The following AGBL4 variants were observed in gnomAD, a reference collection of about 807,000 sequenced individuals.
AGBL4 encodes the protein cytosolic carboxypeptidase 6.
In AGBL4, 58 loss-of-function variants were observed where a neutral mutation model predicts 66.4. That is an observed-to-expected ratio of 0.87 (90% CI 0.71 to 1.09). The LOEUF (loss-of-function observed/expected upper bound fraction) is 1.09. Ranked by LOEUF, AGBL4 falls within the 50% of genes least tolerant of loss-of-function variation. The probability of loss-of-function intolerance (pLI) is 0.00; values close to 1 mark genes in which losing one functional copy is unlikely to be tolerated. For synonymous variants in AGBL4, 234 were observed against 222.9 expected, an observed-to-expected ratio of 1.05 and a Z score of -0.44; for missense variants, 579 against 631.0, an observed-to-expected ratio of 0.92 and a Z score of 0.88.
chr1:49,166,393 C>T (rs911883329), intron 4 of AGBL4, among the ~76,000 whole-genome samples: 41 of 152,090 alleles, frequency 2.7e-4, no homozygotes, highest in Non-Finnish European at 2.9e-5. Context: ...GGTACTCAGG[C>T]AAATCATGCA....
chr1:48,563,707 CAGA>C (rs772779806), intron 11 of AGBL4, among the ~76,000 whole-genome samples: 2 of 152,112 alleles, frequency 1.3e-5, no homozygotes, highest in African/African-American at 4.8e-5. Flanking sequence ...TTAAAACATA[CAGA>C]AGGACAGGAC....
At chr1:48,605,217 T>A (rs1022932997) in intron 9 of AGBL4, among the ~76,000 whole-genome samples, 5 of 152,212 alleles carry the variant, frequency 3.3e-5, no homozygotes, top group Non-Finnish European at 7.3e-5. Context: ...TTTGGGTTTG[T>A]CATGGGGAGC....
chr1:48,694,928 T>C (rs1017219966), intron 6 of AGBL4, among the ~76,000 whole-genome samples: 6 of 152,210 alleles, frequency 3.9e-5, no homozygotes, highest in Non-Finnish European at 8.8e-5. Context: ...CCAATGTGCC[T>C]TTCTGTCTCT....
At chr1:49,914,659 T>G (rs1651205357) in intron 1 of AGBL4, among the ~76,000 whole-genome samples, 1 of 152,184 alleles carries the variant, frequency 6.6e-6, no homozygotes, top group East Asian at 1.9e-4. Context: ...CACTCCCACA[T>G]ATTCATATAT....
intron 3 of AGBL4, among the ~76,000 whole-genome samples, chr1:49,570,758 T>C (rs1358901446): frequency 6.6e-6 from 1 of 152,116 alleles, no homozygotes; most frequent in Non-Finnish European, 1.5e-5. Context: ...GAGTTTATTT[T>C]TATATATGAT....
At chr1:50,003,161 A>G (rs59045468) in intron 1 of AGBL4, among the ~76,000 whole-genome samples, 154 of 152,354 alleles carry the variant, frequency 1.0e-3, no homozygotes, top group African/African-American at 3.6e-3. Flanking sequence ...ACTGGAATAC[A>G]AGAATGTGAT....
chr1:48,618,564 A>T (rs780507475), intron 9 of AGBL4, among the ~76,000 whole-genome samples: 3 of 152,164 alleles, frequency 2.0e-5, no homozygotes, highest in Non-Finnish European at 4.4e-5. Context: ...CTGGCTCCAC[A>T]TAGGGCAAAA....
At chr1:49,291,501 A>G (rs1326695292) in intron 3 of AGBL4, among the ~76,000 whole-genome samples, 3 of 152,244 alleles carry the variant, frequency 2.0e-5, no homozygotes, top group African/African-American at 7.2e-5. Flanking sequence ...GCTATTGCTA[A>G]ACACAATAAT....
At chr1:48,887,287 G>A (rs1344177616) in intron 5 of AGBL4, among the ~76,000 whole-genome samples, 2 of 152,148 alleles carry the variant, frequency 1.3e-5, no homozygotes, top group Admixed American at 1.3e-4. Context: ...CTACTTAGGA[G>A]TTTGACTTTT....
rs551868661 is a variant in AGBL4, at chr1:49,644,915, T to C, written c.282+52398A>G. On this transcript the variant is annotated intron_variant, in intron 3 of 13. Coordinates refer to ENST00000371839, the MANE Select transcript of AGBL4 (RefSeq NM_032785.4). ...ATAGGATTTACATCAAGGATTCAAA[T>C]CAAGAAACATGTTCTTTAATTACAG... is the stretch of plus-strand genomic sequence containing the variant. 2.0e-5 allele frequency among the ~76,000 whole-genome samples: 3 copies of C among 151,516 alleles called. No homozygotes were observed. In the East Asian group the frequency reaches 5.8e-4, roughly 29 times the overall value.
At chr1:49,399,087 A>C (rs1158565670) in intron 3 of AGBL4, among the ~76,000 whole-genome samples, 1 of 152,254 alleles carries the variant, frequency 6.6e-6, no homozygotes, top group East Asian at 1.9e-4. Flanking sequence ...AATAAGTGAA[A>C]ACATGTAAAG....
chr1:48,567,486 G>A (rs1392176228), intron 11 of AGBL4, among the ~76,000 whole-genome samples: 1 of 152,184 alleles, frequency 6.6e-6, no homozygotes, highest in Non-Finnish European at 1.5e-5. Context: ...TAATCTAGGG[G>A]CAGCTCTCAA....
chr1:48,742,526 A>T, intron 6 of AGBL4: 2 of 1,259,788 alleles, frequency 1.6e-6, no homozygotes, highest in East Asian at 2.8e-5. Context: ...GAGGCCAACC[A>T]GTCAAGCTGC....
At chr1:49,555,511 T>C (rs1653362195) in intron 3 of AGBL4, among the ~76,000 whole-genome samples, 1 of 147,716 alleles carries the variant, frequency 6.8e-6, no homozygotes, top group Admixed American at 6.7e-5. Context: ...TGTGTCTAGC[T>C]AAAGGCTTGT....
At chr1:49,773,643 T>C (rs937649906) in intron 2 of AGBL4, among the ~76,000 whole-genome samples, 4 of 152,210 alleles carry the variant, frequency 2.6e-5, no homozygotes, top group Non-Finnish European at 4.4e-5. Context: ...GCCAGGCACA[T>C]GGGGGTGCAG....
At chr1:49,229,325 C>A (rs760807087) in intron 4 of AGBL4, among the ~76,000 whole-genome samples, 1 of 152,160 alleles carries the variant, frequency 6.6e-6, no homozygotes, top group Non-Finnish European at 1.5e-5. Flanking sequence ...CCTTTGGTAG[C>A]ACTTTACTAA....
chr1:48,818,386 C>A (rs1322781350), intron 6 of AGBL4, among the ~76,000 whole-genome samples: 2 of 152,192 alleles, frequency 1.3e-5, no homozygotes, highest in Admixed American at 6.5e-5. Context: ...TCTTAGGGCA[C>A]TGATGTCAGT....
At chr1:49,306,019 G>A (rs1031219534) in intron 3 of AGBL4, among the ~76,000 whole-genome samples, 6 of 152,086 alleles carry the variant, frequency 3.9e-5, no homozygotes, top group Non-Finnish European at 8.8e-5. Context: ...GCACAACATT[G>A]AGCTACTTTC....
intron 5 of AGBL4, among the ~76,000 whole-genome samples, chr1:49,007,532 C>T (rs1661964387): frequency 3.4e-5 from 5 of 149,010 alleles, no homozygotes; most frequent in Admixed American, 3.3e-4. Context: ...GAGAACGCCA[C>T]AAAGATACTC....
Sources: allele counts gnomAD v4.1 joint callset (sites outside exome capture counted in the v4.1 genomes callset), GRCh38; gene constraint gnomAD v4.1.1; transcripts MANE v1.5; gene names NCBI Gene and HGNC (gene_info 2026-07-23, HGNC 2026-07-21).